Variants in ACAD11 observed in about 807,000 individuals in gnomAD.
ACAD11 encodes the protein acyl-Coenzyme A dehydrogenase family, member 11.
A neutral mutation model predicts 102.2 loss-of-function variants in ACAD11; 83 were observed. That is an observed-to-expected ratio of 0.81 (90% CI 0.68 to 0.97). ACAD11 has a LOEUF of 0.97. ACAD11 is among the 50% of genes least tolerant of loss of function. ACAD11 has a pLI of 0.00. For missense variants in ACAD11, 901 were observed against 951.7 expected (o/e 0.95, Z 0.70); for synonymous variants, 324 against 319.8 (o/e 1.01, Z -0.14).
chr3:132,652,828 G>C (rs1026673596), intron 1 of ACAD11, among the ~76,000 whole-genome samples: 2 of 152,030 alleles, frequency 1.3e-5, no homozygotes, highest in East Asian at 3.9e-4. Flanking sequence ...GTGTAGGTGG[G>C]GGTAAAGGTA....
intron 11 of ACAD11, among the ~76,000 whole-genome samples, chr3:132,617,740 A>G (rs1939461296): frequency 6.6e-6 from 1 of 152,318 alleles, no homozygotes; most frequent in South Asian, 2.1e-4. Context: ...TGAAGGTATA[A>G]GCCCCTCTTA....
At chr3:132,571,640 C>G (rs1025719497) in intron 17 of ACAD11, among the ~76,000 whole-genome samples, 6 of 151,972 alleles carry the variant, frequency 3.9e-5, no homozygotes, top group Non-Finnish European at 7.4e-5. Flanking sequence ...TTGGGTTTTA[C>G]AGTTAAGTCT....
intron 4 of ACAD11, among the ~76,000 whole-genome samples, chr3:132,641,418 C>T (rs1490457632): frequency 6.6e-6 from 1 of 152,030 alleles, no homozygotes; most frequent in Non-Finnish European, 1.5e-5. Flanking sequence ...ATGGCGGGAG[C>T]CTGTAGTCCC....
chr3:132,656,002 C>G (rs1171181302), intron 1 of ACAD11, among the ~76,000 whole-genome samples: 1 of 152,140 alleles, frequency 6.6e-6, no homozygotes, highest in Non-Finnish European at 1.5e-5. Context: ...TTTTCACTAC[C>G]CGGAGAAAAT....
chr3:132,632,994 T>C (rs1168753653), intron 5 of ACAD11, among the ~76,000 whole-genome samples: 1 of 152,236 alleles, frequency 6.6e-6, no homozygotes, highest in East Asian at 1.9e-4. Context: ...CAGCGTTTTC[T>C]AGATATACAG....
At position 132,642,727 on chromosome 3, in the gene ACAD11, TG is replaced by T; in HGVS notation, c.324del (p.Cys108Ter). On this transcript the variant is annotated frameshift_variant, in exon 3 of 20. Transcript: ENST00000264990. LOFTEE classifies it high-confidence loss of function. ...TCTGTTCCAATGACAGAAGTATCAC[TG>T]CAGTACAGTATAGGCTTGGGAACGG... ...GFPVPKPILY[C>X]SDTSVIGTEF... The T allele has an allele frequency of 6.2e-7, 1 of 1,613,326 alleles. No homozygotes were observed. Among genetic ancestry groups the T allele is most frequent in the Non-Finnish European group, 8.5e-7 (1 of 1,179,724 alleles).
chr3:132,630,892 G>A (rs1940012332), intron 6 of ACAD11, among the ~76,000 whole-genome samples: 1 of 152,114 alleles, frequency 6.6e-6, no homozygotes, highest in African/African-American at 2.4e-5. Flanking sequence ...GTAACATAGT[G>A]AGACACCATC....
chr3:132,625,181 G>T (rs1939765805), intron 9 of ACAD11, among the ~76,000 whole-genome samples: 1 of 152,072 alleles, frequency 6.6e-6, no homozygotes, highest in Admixed American at 6.6e-5. Context: ...TGGGAAAATG[G>T]TTACCACTTG....
intron 11 of ACAD11, among the ~76,000 whole-genome samples, 194 bp from the exon 12 acceptor site, chr3:132,605,399 G>A (rs2107828042): frequency 6.6e-6 from 1 of 152,336 alleles, no homozygotes; most frequent in East Asian, 1.9e-4. Flanking sequence ...GGCATTTGGT[G>A]CATATTTATT....
chr3:132,600,566 G>C, intron 13 of ACAD11: 40 of 1,613,938 alleles, frequency 2.5e-5, no homozygotes, highest in Non-Finnish European at 3.3e-5. Context: ...CATTGGACTT[G>C]CAGGCAATTC....
intron 12 of ACAD11, among the ~76,000 whole-genome samples, chr3:132,604,554 A>G (rs75971262): frequency 0.022 from 3,283 of 152,292 alleles, 57 homozygotes; most frequent in South Asian, 0.073. Context: ...AAATCACAAA[A>G]CAATGATTTT....
intron 13 of ACAD11, 92 bp downstream of exon 13, chr3:132,603,137 A>G: frequency 9.1e-7 from 1 of 1,098,812 alleles, no homozygotes; most frequent in Non-Finnish European, 1.4e-6. Flanking sequence ...ATGATCATGA[A>G]ACTGATCACT....
At chr3:132,592,533 C>T (rs967612875) in intron 13 of ACAD11, among the ~76,000 whole-genome samples, 1 of 152,030 alleles carries the variant, frequency 6.6e-6, no homozygotes, top group African/African-American at 2.4e-5. Context: ...TAGGCTTTTA[C>T]CCACAAAATC....
chr3:132,580,316 A>G (rs577149116), intron 13 of ACAD11, among the ~76,000 whole-genome samples: 4 of 152,234 alleles, frequency 2.6e-5, no homozygotes, highest in Non-Finnish European at 5.9e-5. Context: ...ATAAAATTCC[A>G]GGAGTTAAAA....
intron 17 of ACAD11, among the ~76,000 whole-genome samples, chr3:132,569,210 G>T (rs1390858517): frequency 1.3e-5 from 2 of 151,978 alleles, no homozygotes; most frequent in Non-Finnish European, 2.9e-5. Flanking sequence ...GACATAAGAT[G>T]GCAAATAAGC....
At chr3:132,637,703 C>A (rs537741604) in intron 5 of ACAD11, among the ~76,000 whole-genome samples, 61 of 152,188 alleles carry the variant, frequency 4.0e-4, no homozygotes, top group Admixed American at 1.1e-3. Context: ...TTGCAGTGAG[C>A]CTATTGTGCT....
At chr3:132,594,286 G>A (rs1347692747) in intron 13 of ACAD11, among the ~76,000 whole-genome samples, 1 of 152,126 alleles carries the variant, frequency 6.6e-6, no homozygotes, top group East Asian at 1.9e-4. Context: ...TGGTTGTTGG[G>A]GGTGGGGTAA....
At chr3:132,596,963 C>T (rs1419111968) in intron 13 of ACAD11, among the ~76,000 whole-genome samples, 1 of 152,128 alleles carries the variant, frequency 6.6e-6, no homozygotes, top group African/African-American at 2.4e-5. Flanking sequence ...TAGATGCTAC[C>T]TACAAGTGCT....
intron 9 of ACAD11, among the ~76,000 whole-genome samples, chr3:132,620,724 C>T (rs769528873): frequency 2.6e-5 from 4 of 152,126 alleles, no homozygotes; most frequent in Non-Finnish European, 5.9e-5. Context: ...GAAAGGAAAA[C>T]CATAGAGATG....
Sources: gnomAD v4.1 joint callset for allele counts (sites outside exome capture counted in the v4.1 genomes callset) on GRCh38, gnomAD v4.1.1 for gene constraint, MANE v1.5 for transcripts, NCBI Gene and HGNC (gene_info 2026-07-23, HGNC 2026-07-21) for gene names.